Variants in KIAA1549L observed in about 807,000 individuals in gnomAD.
KIAA1549L encodes the protein KIAA1549 like.
In KIAA1549L, 88 loss-of-function variants were observed where a neutral mutation model predicts 160.7. The observed-to-expected ratio is 0.55, with a 90% CI of 0.46 to 0.65. KIAA1549L has a LOEUF of 0.65. Among genes scored for constraint, KIAA1549L ranks in the 30% least tolerant of loss-of-function variants. KIAA1549L has a pLI of 0.00. For missense variants in KIAA1549L, 2,258 were observed against 2,437.5 expected, an observed-to-expected ratio of 0.93 and a Z score of 1.55; for synonymous variants, 950 against 976.7, an observed-to-expected ratio of 0.97 and a Z score of 0.51.
rs1246908266 is a variant in KIAA1549L, at chr11:33,444,825, T to G, written c.238+67936T>G. On this transcript the variant is annotated intron_variant, in intron 1 of 20. Transcript: ENST00000658780. ...AGGGATGAAGACGGGTGGCCCCCGG[T>G]TCAGGTGTTCCTTATTGGAGGGTCT... 2.6e-5 allele frequency among the ~76,000 whole-genome samples: 4 copies of G among 152,290 alleles called. No homozygotes were observed. In the East Asian group the frequency reaches 7.7e-4, roughly 29 times the overall value.
intron 12 of KIAA1549L, among the ~76,000 whole-genome samples, chr11:33,598,611 C>T (rs534708137): frequency 8.5e-5 from 13 of 152,276 alleles, no homozygotes; most frequent in East Asian, 1.9e-4. Flanking sequence ...GGGCTGAGCA[C>T]GGCAAAACGG....
chr11:33,492,159 G>A (rs1253989610), intron 1 of KIAA1549L, among the ~76,000 whole-genome samples: 2 of 152,166 alleles, frequency 1.3e-5, no homozygotes, highest in Non-Finnish European at 2.9e-5. Flanking sequence ...CTGAGGTCAG[G>A]AGTTCGAGAC....
chr11:33,473,606 A>C (rs1040131413), intron 1 of KIAA1549L, among the ~76,000 whole-genome samples: 1 of 152,154 alleles, frequency 6.6e-6, no homozygotes, highest in Non-Finnish European at 1.5e-5. Context: ...CCTTTGCCTA[A>C]AGACTGTGTT....
chr11:33,623,265 A>G (rs902447666), intron 16 of KIAA1549L, among the ~76,000 whole-genome samples: 2 of 152,128 alleles, frequency 1.3e-5, no homozygotes, highest in East Asian at 1.9e-4. Context: ...TTGGGAAGCA[A>G]TTGGTTGGAT....
At chr11:33,532,572 C>G (rs915261024) in intron 1 of KIAA1549L, among the ~76,000 whole-genome samples, 7 of 152,142 alleles carry the variant, frequency 4.6e-5, no homozygotes, top group African/African-American at 1.7e-4. Context: ...GTAACTTGTC[C>G]AAGGTTACTC....
At chr11:33,610,351 C>T (rs1281989189) in intron 15 of KIAA1549L, among the ~76,000 whole-genome samples, 3 of 152,206 alleles carry the variant, frequency 2.0e-5, no homozygotes, top group Non-Finnish European at 2.9e-5. Context: ...AAATTTCATG[C>T]TGCACCTTTT....
intron 1 of KIAA1549L, among the ~76,000 whole-genome samples, chr11:33,491,977 C>T (rs1852675954): frequency 6.6e-6 from 1 of 152,208 alleles, no homozygotes; most frequent in Admixed American, 6.5e-5. Context: ...TATAGAGTTT[C>T]CACAGAGCTG....
At chr11:33,667,820 T>G in intron 20 of KIAA1549L, 53 bp from the exon 21 acceptor site, 40 of 1,511,482 alleles carry the variant, frequency 2.6e-5, no homozygotes, top group Non-Finnish European at 3.2e-5. Flanking sequence ...TCCTGTGACT[T>G]GAGCTCCTTC....
chr11:33,668,247 A>G lies in KIAA1549L; in HGVS notation c.*93A>G. The G allele has an allele frequency of 8.5e-7, 1 of 1,173,310 alleles. No homozygotes were observed. Among genetic ancestry groups the G allele is most frequent in the South Asian group, 1.5e-5 (1 of 67,022 alleles). The allele number at this position is 1,173,310 out of a possible 1,614,324, so 72.7% of individuals were successfully genotyped here. ...ACGTGTTAGGACTTGAGACATAGCA[A>G]TGGGTGAGTCTTTCTCACCCTCCAT... On this transcript the variant is annotated 3_prime_UTR_variant, in exon 21 of 21. Coordinates refer to ENST00000658780, the MANE Select transcript of KIAA1549L (RefSeq NM_012194.3).
chr11:33,580,587 A>AAAAAAAAAAAAAAAAAAAAAG (rs1554994225), intron 10 of KIAA1549L, among the ~76,000 whole-genome samples: 1 of 127,534 alleles, frequency 7.8e-6, no homozygotes, highest in African/African-American at 3.9e-5. Context: ...AAAAAAAAAA[A>AAAAAAAAAAAAAAAAAAAAAG]AAAAGAAAAG....
intron 17 of KIAA1549L, among the ~76,000 whole-genome samples, chr11:33,653,207 C>G (rs533911892): frequency 6.6e-6 from 1 of 152,312 alleles, no homozygotes; most frequent in South Asian, 2.1e-4. Flanking sequence ...GGTTACTGCA[C>G]TCCAAGGCAT....
intron 1 of KIAA1549L, among the ~76,000 whole-genome samples, chr11:33,448,271 A>G (rs1462116155): frequency 6.6e-6 from 1 of 152,136 alleles, no homozygotes; most frequent in African/African-American, 2.4e-5. Context: ...TTAAAACTCC[A>G]CTAGTGGATA....
intron 1 of KIAA1549L, among the ~76,000 whole-genome samples, chr11:33,494,516 A>G (rs928794502): frequency 2.0e-5 from 3 of 152,224 alleles, no homozygotes; most frequent in Non-Finnish European, 4.4e-5. Context: ...ATAGCTCCTT[A>G]CTGGCAGCAA....
intron 1 of KIAA1549L, among the ~76,000 whole-genome samples, chr11:33,537,864 C>A (rs1853927739): frequency 6.6e-6 from 1 of 152,170 alleles, no homozygotes; most frequent in African/African-American, 2.4e-5. Context: ...TTGAATTTTG[C>A]ATTCTACTCA....
intron 1 of KIAA1549L, among the ~76,000 whole-genome samples, chr11:33,410,409 G>A (rs1850763595): frequency 6.6e-6 from 1 of 152,198 alleles, no homozygotes; most frequent in Non-Finnish European, 1.5e-5. Flanking sequence ...TGTCTAGGCA[G>A]CGCCTAGAAA....
chr11:33,571,467 G>T (rs975111626), intron 9 of KIAA1549L, among the ~76,000 whole-genome samples: 3 of 152,196 alleles, frequency 2.0e-5, no homozygotes, highest in Admixed American at 6.5e-5. Context: ...AAGAAAAGAG[G>T]TTTAACTGGC....
chr11:33,403,480 CACATCAG>C (rs1166429343), intron 1 of KIAA1549L: 1 of 86,624 alleles, frequency 1.2e-5, no homozygotes, highest in Non-Finnish European at 2.6e-5. Context: ...GAAACAGACA[CACATCAG>C]ACACACATAG....
chr11:33,493,234 C>T (rs1286557525), intron 1 of KIAA1549L, among the ~76,000 whole-genome samples: 3 of 152,086 alleles, frequency 2.0e-5, no homozygotes, highest in Non-Finnish European at 4.4e-5. Flanking sequence ...GGGGCTCCAA[C>T]CCTCATGAAT....
Position 33,671,706 on chromosome 11 carries a change from G to T in KIAA1549L, c.*3552G>T, listed in dbSNP as rs2133476809. ...TCTAACAGGCAGAAATTAGAGAAATGGATCAAAAGATTTAAACATTGATTA... is the reference window on the plus strand; with the variant it reads ...TCTAACAGGCAGAAATTAGAGAAATTGATCAAAAGATTTAAACATTGATTA... On this transcript the variant is annotated 3_prime_UTR_variant, in exon 21 of 21. Transcript: ENST00000658780. The T allele has an allele frequency of 6.6e-6, 1 of 152,014 alleles. No individual in the cohort carries two copies. The highest frequency in any genetic ancestry group is 1.9e-4 in the East Asian group (1 of 5,178). The allele number at this position is 152,014 out of a possible 1,614,324, so 9.4% of individuals were successfully genotyped here.
Sources: gnomAD v4.1 joint callset for allele counts (sites outside exome capture counted in the v4.1 genomes callset) on GRCh38, gnomAD v4.1.1 for gene constraint, MANE v1.5 for transcripts, NCBI Gene and HGNC (gene_info 2026-07-23, HGNC 2026-07-21) for gene names.